The following FBXO11 variants were observed in gnomAD, a reference collection of about 807,000 sequenced individuals.
The protein encoded by FBXO11 is F-box only protein 11.
A neutral mutation model predicts 117.0 loss-of-function variants in FBXO11; 13 were observed. That is an observed-to-expected ratio of 0.11 (90% CI 0.07 to 0.18). The LOEUF is 0.18. Ranked by LOEUF, FBXO11 falls within the 10% of genes least tolerant of loss-of-function variation. FBXO11 has a pLI of 1.00. For synonymous variants in FBXO11, 490 were observed against 380.5 expected, an observed-to-expected ratio of 1.29 and a Z score of -3.35; for missense variants, 767 against 1,164.4, an observed-to-expected ratio of 0.66 and a Z score of 4.97.
chr2:47,809,004 C>G, intron 21 of FBXO11, 154 bp downstream of exon 21: 1 of 537,824 alleles, frequency 1.9e-6, no homozygotes, highest in Non-Finnish European at 3.3e-6. Flanking sequence ...CCCACAGTTA[C>G]AGTCTTAAAC....
At position 47,900,665 on chromosome 2, in the gene FBXO11, TAC is replaced by T. The variant is rs1491431772; in HGVS notation, c.232+4822_232+4823del. Reference sequence around the variant, plus strand: ...GTATATACACACGTATACACACACGTACGTATATACACACGTATACACACACG... The same window carrying T: ...GTATATACACACGTATACACACACGTGTATATACACACGTATACACACACG... On this transcript the variant is annotated intron_variant, in intron 1 of 22. Transcript: ENST00000403359. Among the ~76,000 whole-genome samples, 446 of 66,620 alleles carry T rather than the reference TAC, an allele frequency of 6.7e-3. 6 individuals are homozygous for T. The highest frequency in any genetic ancestry group is 0.027 in the Middle Eastern group (3 of 112). 43.7% of individuals were successfully genotyped at this position (66,620 alleles called of 152,430 possible).
intron 1 of FBXO11, among the ~76,000 whole-genome samples, chr2:47,875,986 A>G (rs557416586): frequency 4.8e-4 from 73 of 152,296 alleles, no homozygotes; most frequent in Non-Finnish European, 7.8e-4. Context: ...ATTTCACTTA[A>G]TCCTCCCCAC....
chr2:47,838,296 A>G (rs1425108609), intron 4 of FBXO11, among the ~76,000 whole-genome samples: 1 of 152,158 alleles, frequency 6.6e-6, no homozygotes, highest in Non-Finnish European at 1.5e-5. Flanking sequence ...CAACTCTCCA[A>G]GTACACATTA....
At chr2:47,864,255 T>C (rs1208619504) in intron 1 of FBXO11, among the ~76,000 whole-genome samples, 1 of 152,138 alleles carries the variant, frequency 6.6e-6, no homozygotes, top group Non-Finnish European at 1.5e-5. Flanking sequence ...AAACATATAA[T>C]GAAAGAGACA....
intron 11 of FBXO11, among the ~76,000 whole-genome samples, chr2:47,831,898 A>C (rs1442205356): frequency 6.6e-6 from 1 of 152,232 alleles, no homozygotes; most frequent in Admixed American, 6.5e-5. Flanking sequence ...AATGAAAAGC[A>C]AAATAACAAT....
chr2:47,905,952 C>A lies in FBXO11; in HGVS notation c.-232G>T. 2.3e-6 allele frequency: 1 copy of A among 427,260 alleles called. No individual in the cohort carries two copies. The highest frequency in any genetic ancestry group is 4.1e-6 in the Non-Finnish European group (1 of 245,780). The allele number at this position is 427,260 out of a possible 1,614,324, so 26.5% of individuals were successfully genotyped here. A position where few individuals can be genotyped will look rare whatever the true frequency, so the allele number is the denominator to read the frequency against. On this transcript the variant is annotated 5_prime_UTR_variant, in exon 1 of 23. Transcript: ENST00000403359. ...AGGCCGGCCGGGAGGGCCTGACGCA[C>A]GGGGAAGGCCGAAGCCGCCGGGCGG...
At chr2:47,904,594 AC>A (rs1163409465) in intron 1 of FBXO11, among the ~76,000 whole-genome samples, 15 of 96,366 alleles carry the variant, frequency 1.6e-4, no homozygotes, top group Non-Finnish European at 3.1e-4. Flanking sequence ...ACACACACAC[AC>A]ACACACACAC....
chr2:47,879,575 G>C (rs902634419), intron 1 of FBXO11, among the ~76,000 whole-genome samples: 1 of 152,068 alleles, frequency 6.6e-6, no homozygotes, highest in Non-Finnish European at 1.5e-5. Context: ...ATCTTTGCTC[G>C]GTTTTTATGG....
At chr2:47,892,322 T>C (rs1338957603) in intron 1 of FBXO11, among the ~76,000 whole-genome samples, 1 of 152,200 alleles carries the variant, frequency 6.6e-6, no homozygotes, top group Non-Finnish European at 1.5e-5. Flanking sequence ...TCACCAAAAA[T>C]TTTTAGATAT....
intron 1 of FBXO11, among the ~76,000 whole-genome samples, chr2:47,845,018 T>C (rs1355820548): frequency 6.6e-6 from 1 of 152,208 alleles, no homozygotes; most frequent in African/African-American, 2.4e-5. Context: ...TGCCATTTCC[T>C]TCAGTAGTCA....
chr2:47,835,039 C>A (rs1218963036), intron 5 of FBXO11, among the ~76,000 whole-genome samples, 168 bp from the exon 6 acceptor site: 2 of 152,088 alleles, frequency 1.3e-5, no homozygotes, highest in African/African-American at 4.8e-5. Flanking sequence ...AAGTTATGAT[C>A]CGGTAATATC....
At chr2:47,834,524 T>C in intron 7 of FBXO11, 55 bp downstream of exon 7, 2 of 1,350,750 alleles carry the variant, frequency 1.5e-6, no homozygotes, top group East Asian at 2.4e-5. Flanking sequence ...TTTAAAATCC[T>C]ATCACATAAA....
At chr2:47,851,777 C>T (rs2103654081) in intron 1 of FBXO11, among the ~76,000 whole-genome samples, 1 of 152,224 alleles carries the variant, frequency 6.6e-6, no homozygotes, top group East Asian at 1.9e-4. Context: ...CTAGAAATGT[C>T]TTTAGTTTAT....
rs1672431755 is a variant in FBXO11, at chr2:47,834,882, AAAAAC to A, written c.718-16_718-12del. ...ATGTGCACCTTTATACTAAAATGTC[AAAAAC>A]AAAACAAAACCATTGACTACTAACA... is the stretch of plus-strand genomic sequence containing the variant. On this transcript the variant is annotated splice_polypyrimidine_tract_variant and intron_variant, in intron 5 of 22. Coordinates refer to ENST00000403359, the MANE Select transcript of FBXO11 (RefSeq NM_001190274.2). 1.2e-6 allele frequency: 2 copies of A among 1,601,922 alleles called. No individual in the cohort carries two copies. The highest frequency in any genetic ancestry group is 1.7e-6 in the Non-Finnish European group (2 of 1,172,278).
At chr2:47,862,110 G>A (rs145666300) in intron 1 of FBXO11, among the ~76,000 whole-genome samples, 2 of 151,874 alleles carry the variant, frequency 1.3e-5, no homozygotes, top group Non-Finnish European at 2.9e-5. Context: ...TAATAGAGAT[G>A]GGGTTTCACC....
intron 1 of FBXO11, among the ~76,000 whole-genome samples, chr2:47,847,395 A>T (rs1673499435): frequency 6.6e-6 from 1 of 152,184 alleles, no homozygotes; most frequent in African/African-American, 2.4e-5. Flanking sequence ...ATCTAAAGAA[A>T]GTAAAAAGGT....
chr2:47,866,876 G>A (rs902849769), intron 1 of FBXO11, among the ~76,000 whole-genome samples: 6 of 152,154 alleles, frequency 3.9e-5, no homozygotes, highest in African/African-American at 1.4e-4. Flanking sequence ...TCCATGATGA[G>A]CCTTGATCAT....
In FBXO11 at chr2:47,901,125, G is replaced by GTATATATATATGTATA. The variant is rs1396541573; in HGVS notation, c.232+4363_232+4364insTATACATATATATATA. On this transcript the variant is annotated intron_variant, in intron 1 of 22. Coordinates refer to ENST00000403359, the MANE Select transcript of FBXO11 (RefSeq NM_001190274.2). ...TATATGTATATATGTACACACGTGT[G>GTATATATATATGTATA]TACATGTATATATATACACACGTGT... Among the ~76,000 whole-genome samples the GTATATATATATGTATA allele has an allele frequency of 1.1e-3, 103 of 92,272 alleles. 3 individuals are homozygous for GTATATATATATGTATA. Among genetic ancestry groups the GTATATATATATGTATA allele is most frequent in the Non-Finnish European group, 2.0e-3 (87 of 44,510 alleles). 60.5% of individuals were successfully genotyped at this position (92,272 alleles called of 152,430 possible). A position where few individuals can be genotyped will look rare whatever the true frequency, so the allele number is the denominator to read the frequency against.
intron 1 of FBXO11, among the ~76,000 whole-genome samples, chr2:47,893,479 T>C (rs1349893692): frequency 5.9e-5 from 9 of 152,172 alleles, no homozygotes; most frequent in Non-Finnish European, 1.2e-4. Context: ...AGATAAATTA[T>C]TAATCTATTC....
Sources: allele counts gnomAD v4.1 joint callset (sites outside exome capture counted in the v4.1 genomes callset), GRCh38; gene constraint gnomAD v4.1.1; transcripts MANE v1.5; gene names NCBI Gene and HGNC (gene_info 2026-07-23, HGNC 2026-07-21).